XKR6: variants seen among roughly 807,000 people sequenced by gnomAD.
XKR6 encodes the protein XK related 6, also known as XK-related protein 6.
A neutral mutation model predicts 56.7 loss-of-function variants in XKR6; 22 were observed. That is an observed-to-expected ratio of 0.39 (90% confidence interval 0.28 to 0.55). The LOEUF is 0.55. Ranked by LOEUF, XKR6 falls within the 20% of genes least tolerant of loss-of-function variation. XKR6 has a pLI of 0.66. For missense variants in XKR6, 852 were observed against 889.0 expected (o/e 0.96, Z 0.53); for synonymous variants, 524 against 387.8 (o/e 1.35, Z -4.13).
chr8:11,022,076 T>C (rs1411566264), intron 1 of XKR6, among the ~76,000 whole-genome samples: 1 of 150,008 alleles, frequency 6.7e-6, no homozygotes, highest in Non-Finnish European at 1.5e-5. Flanking sequence ...GGGGAGCTTT[T>C]TCAGAAATAT....
intron 1 of XKR6, among the ~76,000 whole-genome samples, chr8:10,955,308 G>C (rs867125463): frequency 7.9e-5 from 12 of 152,160 alleles, no homozygotes; most frequent in Non-Finnish European, 1.3e-4. Flanking sequence ...GAATAAGTGG[G>C]ATTATAGGTG....
chr8:10,966,591 G>A (rs528376246), intron 1 of XKR6, among the ~76,000 whole-genome samples: 60 of 152,204 alleles, frequency 3.9e-4, no homozygotes, highest in Middle Eastern at 3.4e-3. Context: ...GAAGAATGGC[G>A]TGAACCCAGG....
chr8:11,091,784 T>C (rs551530876), intron 1 of XKR6, among the ~76,000 whole-genome samples: 54 of 152,328 alleles, frequency 3.5e-4, no homozygotes, highest in Non-Finnish European at 4.4e-4. Context: ...AGCCCAGCTC[T>C]GGTGGCCCCA....
chr8:11,024,841 C>T (rs1006713512), intron 1 of XKR6, among the ~76,000 whole-genome samples: 5 of 152,234 alleles, frequency 3.3e-5, no homozygotes, highest in Non-Finnish European at 7.3e-5. Context: ...TGGGAACTTC[C>T]AGAAGTGGAC....
intron 2 of XKR6, among the ~76,000 whole-genome samples, chr8:10,906,127 T>G (rs1800183577): frequency 6.6e-6 from 1 of 152,222 alleles, no homozygotes; most frequent in Non-Finnish European, 1.5e-5. Context: ...GATCTGCATG[T>G]GCTGGAGCTG....
At chr8:11,059,638 G>A (rs986586217) in intron 1 of XKR6, among the ~76,000 whole-genome samples, 2 of 149,864 alleles carry the variant, frequency 1.3e-5, no homozygotes, top group African/African-American at 5.0e-5. Flanking sequence ...GCGCGGGGCG[G>A]GGCGGGACAG....
intron 1 of XKR6, among the ~76,000 whole-genome samples, chr8:11,098,116 C>T (rs1235792966): frequency 6.6e-6 from 1 of 152,036 alleles, no homozygotes; most frequent in African/African-American, 2.4e-5. Flanking sequence ...GCACTGGCTT[C>T]GACTTCCGGC....
intron 1 of XKR6, among the ~76,000 whole-genome samples, chr8:10,995,473 A>G (rs919151523): frequency 6.8e-6 from 1 of 146,164 alleles, no homozygotes; most frequent in Non-Finnish European, 1.5e-5. Flanking sequence ...TAATACATAT[A>G]AAACCCTATA....
chr8:11,132,207 T>C (rs1186610157), intron 1 of XKR6, among the ~76,000 whole-genome samples: 1 of 152,084 alleles, frequency 6.6e-6, no homozygotes, highest in Non-Finnish European at 1.5e-5. Flanking sequence ...AAGTAATCAG[T>C]TGTCTTTGAG....
In XKR6 at chr8:11,201,605, G is replaced by A. The variant is rs965224674; in HGVS notation, c.-266C>T. On this transcript the variant is annotated 5_prime_UTR_variant, in exon 1 of 3. Coordinates refer to ENST00000416569, the MANE Select transcript of XKR6 (RefSeq NM_173683.4). ...CCGGCCAAGATGGCCGCCCTCCTGTGCCTCAGCTGCTGGGCGGGGGACCGG... is the reference window on the plus strand; with the variant it reads ...CCGGCCAAGATGGCCGCCCTCCTGTACCTCAGCTGCTGGGCGGGGGACCGG... Among the ~76,000 whole-genome samples the A allele has an allele frequency of 6.6e-6, 1 of 151,958 alleles. No individual in the cohort carries two copies. The highest frequency in any genetic ancestry group is 2.4e-5 in the African/African-American group (1 of 41,368).
At chr8:11,118,413 A>G (rs985896241) in intron 1 of XKR6, among the ~76,000 whole-genome samples, 2 of 152,198 alleles carry the variant, frequency 1.3e-5, no homozygotes, top group Non-Finnish European at 2.9e-5. Flanking sequence ...CTCTGGTAGA[A>G]TTCATCTGTG....
At chr8:11,189,032 C>A (rs1329524757) in intron 1 of XKR6, among the ~76,000 whole-genome samples, 1 of 152,188 alleles carries the variant, frequency 6.6e-6, no homozygotes, top group African/African-American at 2.4e-5. Flanking sequence ...CTGTTCTCCC[C>A]ACGAATCTAT....
chr8:11,149,736 C>G (rs2116969237), intron 1 of XKR6, among the ~76,000 whole-genome samples: 1 of 152,224 alleles, frequency 6.6e-6, no homozygotes, highest in East Asian at 1.9e-4. Flanking sequence ...TCCAGCAATC[C>G]CATTACTGGG....
chr8:11,167,521 A>G (rs932621945), intron 1 of XKR6, among the ~76,000 whole-genome samples: 25 of 152,216 alleles, frequency 1.6e-4, no homozygotes, highest in African/African-American at 5.8e-4. Context: ...AAGAGTACAA[A>G]TGAGACATGC....
At chr8:10,915,699 G>A (rs186720129) in intron 2 of XKR6, among the ~76,000 whole-genome samples, 2 of 152,312 alleles carry the variant, frequency 1.3e-5, no homozygotes, top group Non-Finnish European at 2.9e-5. Flanking sequence ...ACAAGAAGCC[G>A]TTTGGAGCTA....
intron 1 of XKR6, among the ~76,000 whole-genome samples, chr8:10,973,860 C>G (rs10103653): frequency 0.048 from 7,251 of 152,296 alleles, 576 homozygotes; most frequent in African/African-American, 0.17. Flanking sequence ...GTTGGAATTA[C>G]AGGCGTGAGC....
intron 1 of XKR6, among the ~76,000 whole-genome samples, chr8:10,984,718 C>G (rs1251505795): frequency 5.9e-5 from 5 of 85,030 alleles, no homozygotes; most frequent in African/African-American, 2.6e-4. Context: ...CTCTCTCTCT[C>G]TCTCTCTCTC....
intron 1 of XKR6, among the ~76,000 whole-genome samples, chr8:10,944,006 C>T (rs1472179617): frequency 6.6e-6 from 1 of 152,126 alleles, no homozygotes; most frequent in African/African-American, 2.4e-5. Flanking sequence ...CCTCCAATAT[C>T]CGAGCTCTCC....
chr8:11,124,338 C>G (rs978974604), intron 1 of XKR6: 12 of 303,168 alleles, frequency 4.0e-5, no homozygotes, highest in African/African-American at 2.6e-4. Flanking sequence ...TCATCAATAA[C>G]CCACTCAGCG....
Sources: gnomAD v4.1 joint callset for allele counts (sites outside exome capture counted in the v4.1 genomes callset) on GRCh38, gnomAD v4.1.1 for gene constraint, MANE v1.5 for transcripts, NCBI Gene and HGNC (gene_info 2026-07-23, HGNC 2026-07-21) for gene names.